The following CNTLN variants were observed in gnomAD, a reference collection of about 807,000 sequenced individuals.
CNTLN encodes the protein centlein.
Under a neutral mutation model 180.0 loss-of-function variants are expected in CNTLN, and 212 were observed. That is an observed-to-expected ratio of 1.18 (90% CI 1.05 to 1.32). The LOEUF is 1.32. Ranked by LOEUF, CNTLN falls within the 40% of genes most tolerant of loss-of-function variation. The pLI, the probability that CNTLN is intolerant of heterozygous loss-of-function variation, is 0.00. For missense variants in CNTLN, 2,095 were observed against 1,610.9 expected, an observed-to-expected ratio of 1.30 and a Z score of -5.14; for synonymous variants, 722 against 563.1, an observed-to-expected ratio of 1.28 and a Z score of -3.99.
At chr9:17,192,255 T>C (rs1821835238) in intron 2 of CNTLN, among the ~76,000 whole-genome samples, 1 of 146,064 alleles carries the variant, frequency 6.8e-6, no homozygotes, top group African/African-American at 2.6e-5. Context: ...TTTTTTTTTT[T>C]TGAGATGGAG....
chr9:17,449,012 A>G (rs1588022036), intron 18 of CNTLN, among the ~76,000 whole-genome samples: 1 of 152,216 alleles, frequency 6.6e-6, no homozygotes. Flanking sequence ...GAAAGGAGTC[A>G]GAATGGGTAT....
the CNTLN span, among the ~76,000 whole-genome samples, chr9:17,523,877 C>A: frequency 6.6e-6 from 1 of 152,214 alleles, no homozygotes; most frequent in Non-Finnish European, 1.5e-5. Flanking sequence ...ATCAGTTGAA[C>A]ATATTCCTCC....
intron 6 of CNTLN, among the ~76,000 whole-genome samples, chr9:17,294,329 A>T (rs544409506): frequency 3.2e-4 from 48 of 151,954 alleles, no homozygotes; most frequent in Middle Eastern, 3.2e-3. Flanking sequence ...CATTTTACAG[A>T]GAGCCGATTG....
intron 15 of CNTLN, among the ~76,000 whole-genome samples, chr9:17,404,737 A>C (rs1564076353): frequency 1.2e-5 from 1 of 81,028 alleles, no homozygotes; most frequent in Non-Finnish European, 2.7e-5. Context: ...TTCTGAAACA[A>C]ATTTTTTTTT....
intron 2 of CNTLN, among the ~76,000 whole-genome samples, chr9:17,164,018 G>GA (rs562439675): frequency 2.0e-4 from 28 of 137,468 alleles, no homozygotes; most frequent in Non-Finnish European, 2.7e-4. Context: ...GACTCTGCCT[G>GA]AAAAAAAAAA....
In CNTLN at chr9:17,167,016, C is replaced by G. The variant is rs535345161; in HGVS notation, c.449+23640C>G. ...CAGCAGTTCTTTAAGAAGGATGACTCTGAAAAAATTAGCAGTGATAGATTG... is the reference window on the plus strand; with the variant it reads ...CAGCAGTTCTTTAAGAAGGATGACTGTGAAAAAATTAGCAGTGATAGATTG... On this transcript the variant is annotated intron_variant, in intron 2 of 25. Coordinates refer to ENST00000380647, the MANE Select transcript of CNTLN (RefSeq NM_017738.4). 4.6e-5 allele frequency: 12 copies of G among 260,400 alleles called. No individual in the cohort carries two copies. In the South Asian group the frequency reaches 5.1e-4, roughly 11 times the overall value. 16.1% of individuals were successfully genotyped at this position (260,400 alleles called of 1,614,324 possible).
intron 2 of CNTLN, among the ~76,000 whole-genome samples, chr9:17,202,304 T>C (rs563350799): frequency 6.6e-6 from 1 of 152,312 alleles, no homozygotes; most frequent in Admixed American, 6.5e-5. Flanking sequence ...GAAGAATGTA[T>C]ATTCTGTTGA....
chr9:17,468,813 AT>A (rs1188460187), intron 23 of CNTLN, among the ~76,000 whole-genome samples: 1 of 151,746 alleles, frequency 6.6e-6, no homozygotes, highest in Non-Finnish European at 1.5e-5. Context: ...ATAGTATTTA[AT>A]GATGAAGTGG....
At chr9:17,189,173 C>T (rs1264777573) in intron 2 of CNTLN, among the ~76,000 whole-genome samples, 2 of 147,542 alleles carry the variant, frequency 1.4e-5, no homozygotes, top group African/African-American at 2.5e-5. Context: ...AGCTCCGCCT[C>T]CCGGGTTCAC....
intron 2 of CNTLN, among the ~76,000 whole-genome samples, chr9:17,154,341 G>C (rs1819108020): frequency 6.6e-6 from 1 of 152,136 alleles, no homozygotes; most frequent in Admixed American, 6.5e-5. Flanking sequence ...TGGGGTCTTT[G>C]AGTGGATGTG....
chr9:17,140,367 C>G (rs1229541655), intron 1 of CNTLN, among the ~76,000 whole-genome samples: 1 of 152,162 alleles, frequency 6.6e-6, no homozygotes, highest in Non-Finnish European at 1.5e-5. Context: ...AGATTGTGCA[C>G]TTGAAAATTA....
chr9:17,154,969 C>T (rs1428459508), intron 2 of CNTLN, among the ~76,000 whole-genome samples: 4 of 152,194 alleles, frequency 2.6e-5, no homozygotes, highest in African/African-American at 9.6e-5. Context: ...CTGTAACACT[C>T]ACTGCGAAGG....
intron 7 of CNTLN, chr9:17,298,954 C>G: frequency 5.1e-6 from 5 of 984,812 alleles, no homozygotes; most frequent in Non-Finnish European, 6.0e-6. Flanking sequence ...AAAAAAAATA[C>G]CTTTATTGGC....
chr9:17,288,016 G>A (rs1284819660), intron 6 of CNTLN, among the ~76,000 whole-genome samples: 6 of 138,700 alleles, frequency 4.3e-5, no homozygotes, highest in Non-Finnish European at 7.6e-5. Flanking sequence ...CTTCAGTTCT[G>A]CTCTGATGTT....
rs1436497821 is a variant in CNTLN at position 17,346,342 on chromosome 9, C to T, written c.1886+3898C>T. Among the ~76,000 whole-genome samples the T allele has an allele frequency of 2.0e-5, 3 of 152,080 alleles. No individual in the cohort carries two copies. The South Asian group carries it at 6.3e-4, about 32-fold the overall frequency. ...GAGAACACACTAGCATGAGATCTCA[C>T]TAGCATGAGAACTGCCCCCGTGATC... On this transcript the variant is annotated intron_variant, in intron 12 of 25. Coordinates refer to ENST00000380647, the MANE Select transcript of CNTLN (RefSeq NM_017738.4).
chr9:17,396,400 C>T (rs1397246756), intron 15 of CNTLN, among the ~76,000 whole-genome samples: 1 of 151,978 alleles, frequency 6.6e-6, no homozygotes, highest in Non-Finnish European at 1.5e-5. Context: ...CTCTTTTTTA[C>T]ATCTAGACAG....
At chr9:17,230,924 A>G (rs1824775096) in intron 3 of CNTLN, among the ~76,000 whole-genome samples, 2 of 152,080 alleles carry the variant, frequency 1.3e-5, no homozygotes, top group South Asian at 4.2e-4. Context: ...TTCATTAATT[A>G]CAGAATAAGT....
chr9:17,502,666 A>T lies in CNTLN; in HGVS notation c.*14A>T. 9.3e-7 allele frequency: 1 copy of T among 1,073,410 alleles called. No individual in the cohort carries two copies. The highest frequency in any genetic ancestry group is 1.3e-6 in the Non-Finnish European group (1 of 753,332). The allele number at this position is 1,073,410 out of a possible 1,614,324, so 66.5% of individuals were successfully genotyped here. On this transcript the variant is annotated 3_prime_UTR_variant, in exon 26 of 26. Transcript: ENST00000380647. ...GATATTAGATGATATTAAAATGGAG[A>T]GCTTTATTGCAAATGTGAAAACTTT...
intron 12 of CNTLN, among the ~76,000 whole-genome samples, chr9:17,364,618 C>G (rs1279641123): frequency 2.0e-5 from 3 of 151,970 alleles, no homozygotes; most frequent in African/African-American, 7.2e-5. Context: ...TACATTATCC[C>G]ATTTTGGGCA....
Sources: allele counts gnomAD v4.1 joint callset (sites outside exome capture counted in the v4.1 genomes callset), GRCh38; gene constraint gnomAD v4.1.1; transcripts MANE v1.5; gene names NCBI Gene and HGNC (gene_info 2026-07-23, HGNC 2026-07-21).